Variants in LITAF observed in about 807,000 individuals in gnomAD.
LITAF encodes the protein lipopolysaccharide induced TNF factor, also known as lipopolysaccharide-induced tumor necrosis factor-alpha factor.
A neutral mutation model predicts 14.5 loss-of-function variants in LITAF; 9 were observed. That is an observed-to-expected ratio of 0.62 (90% CI 0.37 to 1.08). LITAF has a LOEUF of 1.08. Ranked by LOEUF, LITAF falls within the 50% of genes least tolerant of loss-of-function variation. The pLI is 0.01. For missense variants in LITAF, 206 were observed against 213.4 expected (o/e 0.97, Z 0.22); for synonymous variants, 98 against 88.2 (o/e 1.11, Z -0.62).
At chr16:11,598,823 T>C (rs2064910001), upstream of LITAF, among the ~76,000 whole-genome samples, 1 of 152,044 alleles carries the variant, frequency 6.6e-6, no homozygotes, top group Non-Finnish European at 1.5e-5. Context: ...TATTTATGTA[T>C]TTATTTATTT....
At chr16:11,587,648 T>C (rs1276224169), upstream of LITAF, 2 of 224,968 alleles carry the variant, frequency 8.9e-6, no homozygotes, top group East Asian at 1.5e-4. Flanking sequence ...TAGGCCTTTC[T>C]CAGCCATCAC....
intron 1 of LITAF, among the ~76,000 whole-genome samples, chr16:11,568,719 G>A (rs1387933152): frequency 1.3e-4 from 17 of 130,680 alleles, no homozygotes; most frequent in Non-Finnish European, 1.7e-4. Context: ...TCATTCTGTT[G>A]CCCAGGCTGG....
upstream of LITAF, among the ~76,000 whole-genome samples, chr16:11,588,379 G>T (rs912145097): frequency 6.6e-6 from 1 of 151,866 alleles, no homozygotes; most frequent in Non-Finnish European, 1.5e-5. Context: ...TGGAGTGGTG[G>T]CATGTGCCAG....
chr16:11,593,097 G>A (rs1013625997), intron 1 of LITAF, among the ~76,000 whole-genome samples: 11 of 152,266 alleles, frequency 7.2e-5, no homozygotes, highest in South Asian at 2.1e-4. Context: ...CATGAACCCC[G>A]GAGGAGGAGC....
intron 3 of LITAF, among the ~76,000 whole-genome samples, chr16:11,609,264 T>G (rs944811395): frequency 1.3e-5 from 2 of 150,862 alleles, no homozygotes; most frequent in Non-Finnish European, 2.9e-5. Context: ...CAGGCTGGAG[T>G]GCAGTGGCGA....
rs985381907 is a variant in LITAF, at chr16:11,632,025, C to A, written c.85+1508G>T. Among the ~76,000 whole-genome samples, 1 of 151,950 alleles carries A rather than the reference C, an allele frequency of 6.6e-6. No homozygotes were observed. Among genetic ancestry groups the A allele is most frequent in the Admixed American group, 6.6e-5 (1 of 15,238 alleles). The stretch of plus-strand genomic sequence containing the variant: ...GGGATTACAGGTGTGCGCCACCACG[C>A]CCGGCTAATTTTTTTGTCTTTTTAG... On this transcript the variant is annotated intron_variant, in intron 3 of 3. Coordinates refer to the LITAF transcript ENST00000574848. This position sits in a 1 kb window ranked among gnomAD's most constrained non-coding sequence, Gnocchi z 4.8.
intron 3 of LITAF, among the ~76,000 whole-genome samples, chr16:11,550,582 C>A (rs1284082165): frequency 6.6e-6 from 1 of 152,210 alleles, no homozygotes; most frequent in Non-Finnish European, 1.5e-5. Flanking sequence ...ATTTGGGAGT[C>A]TTTCAAAGTC....
At chr16:11,565,390 A>T (rs893989415) in intron 1 of LITAF, among the ~76,000 whole-genome samples, 28 of 123,562 alleles carry the variant, frequency 2.3e-4, no homozygotes, top group African/African-American at 8.4e-4. Context: ...GCCTTGAATT[A>T]CTCACTTTTA....
Position 11,549,211 on chromosome 16 carries a change from C to T in LITAF, c.*426G>A, listed in dbSNP as rs750764207. 6.7e-6 allele frequency: 3 copies of T among 450,504 alleles called. No individual in the cohort carries two copies. The highest frequency in any genetic ancestry group is 4.7e-5 in the South Asian group (3 of 63,924). The allele number at this position is 450,504 out of a possible 1,614,324, so 27.9% of individuals were successfully genotyped here. A position where few individuals can be genotyped will look rare whatever the true frequency, so the allele number is the denominator to read the frequency against. On this transcript the variant is annotated 3_prime_UTR_variant, in exon 4 of 4. Transcript: ENST00000622633. The surrounding 1 kb of genome is among the most constrained non-coding windows in gnomAD (Gnocchi z 4.6). ...TAATGGTAGGCACTAAAGGCTGGTT[C>T]AGCCGAGCTCTGGGCAGAACAGCCT... is the stretch of plus-strand genomic sequence containing the variant.
chr16:11,589,530 C>T (rs144911547), upstream of LITAF, among the ~76,000 whole-genome samples: 31 of 152,188 alleles, frequency 2.0e-4, no homozygotes, highest in South Asian at 3.1e-3. Context: ...TATGTAAGAA[C>T]CCTAAAGAAT....
chr16:11,612,535 A>T (rs1171109420), intron 3 of LITAF, among the ~76,000 whole-genome samples: 1 of 152,228 alleles, frequency 6.6e-6, no homozygotes, highest in African/African-American at 2.4e-5. Context: ...AGCAAACTGC[A>T]CTGCATGCGG....
chr16:11,607,708 A>G (rs1271404538), intron 3 of LITAF, among the ~76,000 whole-genome samples: 1 of 152,252 alleles, frequency 6.6e-6, no homozygotes, highest in Non-Finnish European at 1.5e-5. Flanking sequence ...ACAGGCACAC[A>G]TGAAAAACGA....
chr16:11,552,011 G>GTT (rs1341495790), intron 3 of LITAF, among the ~76,000 whole-genome samples: 3 of 152,056 alleles, frequency 2.0e-5, no homozygotes, highest in Non-Finnish European at 4.4e-5. Context: ...CCAGAAAGCT[G>GTT]TTTTGTCTCC....
rs368263216 is a variant in LITAF, at chr16:11,605,793, C to T, written c.85+27740G>A. On this transcript the variant is annotated intron_variant, in intron 3 of 3. Transcript: ENST00000574848. This position sits in a 1 kb window ranked among gnomAD's most constrained non-coding sequence, Gnocchi z 4.7. ...AGAGAAAGAGAAGCAAGAGAGTTACCGTGAGAGCCCCGAGAGCTTCCCACA... is the reference window on the plus strand; with the variant it reads ...AGAGAAAGAGAAGCAAGAGAGTTACTGTGAGAGCCCCGAGAGCTTCCCACA... 3.3e-5 allele frequency among the ~76,000 whole-genome samples: 5 copies of T among 152,170 alleles called. No individual in the cohort carries two copies. The highest frequency in any genetic ancestry group is 1.9e-4 in the East Asian group (1 of 5,176).
chr16:11,567,622 G>A (rs552261332), intron 1 of LITAF, among the ~76,000 whole-genome samples: 5 of 152,246 alleles, frequency 3.3e-5, no homozygotes, highest in African/African-American at 7.2e-5. Flanking sequence ...TCATCACTCA[G>A]CGGAGGAGAC....
chr16:11,606,513 A>G (rs2064955861), intron 3 of LITAF, among the ~76,000 whole-genome samples: 1 of 152,186 alleles, frequency 6.6e-6, no homozygotes, highest in Non-Finnish European at 1.5e-5. Flanking sequence ...ATGAATGATA[A>G]GAAAGTGAAA....
At chr16:11,562,931 A>G (rs960636952) in intron 1 of LITAF, among the ~76,000 whole-genome samples, 1 of 151,802 alleles carries the variant, frequency 6.6e-6, no homozygotes, top group African/African-American at 2.4e-5. Context: ...TCACAAAATC[A>G]TATATAAAGA....
chr16:11,568,670 CTTGTTTTTTT>C (rs2064494074), intron 1 of LITAF, among the ~76,000 whole-genome samples: 1 of 127,350 alleles, frequency 7.9e-6, no homozygotes, highest in African/African-American at 2.8e-5. Flanking sequence ...AAGGTACACC[CTTGTTTTTTT>C]TTGTTTTTTT....
At chr16:11,576,157 C>T (rs371751852) in intron 1 of LITAF, among the ~76,000 whole-genome samples, 3 of 152,278 alleles carry the variant, frequency 2.0e-5, no homozygotes, top group East Asian at 1.9e-4. Context: ...CCACTGCACT[C>T]AGCCTTAATC....
Sources: allele counts gnomAD v4.1 joint callset (sites outside exome capture counted in the v4.1 genomes callset), GRCh38; gene constraint gnomAD v4.1.1; non-coding constraint Gnocchi (gnomAD v3.1); transcripts MANE v1.5; gene names NCBI Gene and HGNC (gene_info 2026-07-23, HGNC 2026-07-21).